MTMR8: variants seen among roughly 807,000 people sequenced by gnomAD.
MTMR8 encodes the protein myotubularin related protein 8, also known as phosphatidylinositol-3,5-bisphosphate 3-phosphatase MTMR8.
Under a neutral mutation model 39.3 loss-of-function variants are expected in MTMR8, and 65 were observed. The observed-to-expected ratio is 1.65, with a 90% CI of 1.35 to 2.03. MTMR8 has a LOEUF of 2.03. MTMR8 is among the 30% of genes most tolerant of loss of function. The probability of loss-of-function intolerance (pLI) is 0.00; values close to 1 mark genes in which losing one functional copy is unlikely to be tolerated. For missense variants in MTMR8, 777 were observed against 538.9 expected, an observed-to-expected ratio of 1.44 and a Z score of -4.37; for synonymous variants, 245 against 185.2, an observed-to-expected ratio of 1.32 and a Z score of -2.62.
intron 12 of MTMR8, among the ~76,000 whole-genome samples, chrX:64,284,300 G>C (rs1179974116): frequency 8.9e-6 from 1 of 111,885 alleles, no homozygotes; most frequent in East Asian, 2.8e-4. Flanking sequence ...AACGAATAAA[G>C]CCTCTAAAAA....
chrX:64,381,096 T>C (rs192945496), intron 1 of MTMR8, among the ~76,000 whole-genome samples: 3 of 112,259 alleles, frequency 2.7e-5, no homozygotes, highest in Admixed American at 9.4e-5. Flanking sequence ...TTATAATCCT[T>C]TGGGCATATA....
intron 12 of MTMR8, among the ~76,000 whole-genome samples, chrX:64,326,199 A>T (rs974416577): frequency 9.0e-6 from 1 of 111,191 alleles, no homozygotes; most frequent in African/African-American, 3.3e-5. Context: ...GGAAGAAGAA[A>T]AGTTGGTCTT....
At chrX:64,340,006 C>A (rs1602138372) in intron 8 of MTMR8, among the ~76,000 whole-genome samples, 1 of 111,321 alleles carries the variant, frequency 9.0e-6, no homozygotes, top group Non-Finnish European at 1.9e-5. Context: ...GACTATAAGG[C>A]ATAAACCTGT....
At chrX:64,291,994 A>G (rs750231066) in intron 12 of MTMR8, among the ~76,000 whole-genome samples, 3 of 111,796 alleles carry the variant, frequency 2.7e-5, no homozygotes, top group African/African-American at 9.8e-5. Context: ...GGGAAAGTAC[A>G]TACCTCTGGA....
At chrX:64,287,836 C>A (rs1320949975) in intron 12 of MTMR8, among the ~76,000 whole-genome samples, 1 of 104,904 alleles carries the variant, frequency 9.5e-6, no homozygotes, top group Non-Finnish European at 2.0e-5. Flanking sequence ...TAAAGACTTA[C>A]ATGTTAGACC....
At chrX:64,318,544 G>A (rs1054399549) in intron 12 of MTMR8, among the ~76,000 whole-genome samples, 1 of 110,745 alleles carries the variant, frequency 9.0e-6, no homozygotes, top group African/African-American at 3.3e-5. Flanking sequence ...CTTAGGTCCT[G>A]TGGACCCTAG....
chrX:64,385,735 A>G (rs1258242857), intron 1 of MTMR8, among the ~76,000 whole-genome samples: 2 of 111,060 alleles, frequency 1.8e-5, no homozygotes, highest in Non-Finnish European at 3.8e-5. Flanking sequence ...TTCACTCACT[A>G]TCATGAGGAC....
intron 7 of MTMR8, among the ~76,000 whole-genome samples, chrX:64,344,520 A>C (rs778257122): frequency 3.6e-5 from 4 of 111,355 alleles, no homozygotes; most frequent in African/African-American, 1.3e-4. Context: ...AGAGTCTTGT[A>C]AGGCCCCAAT....
chrX:64,286,310 G>A (rs1001220103), intron 12 of MTMR8, among the ~76,000 whole-genome samples: 3 of 111,797 alleles, frequency 2.7e-5, no homozygotes, highest in Admixed American at 9.5e-5. Flanking sequence ...CTGAAATTGA[G>A]GCAATAATTA....
At chrX:64,350,553 A>T (rs1923462102) in intron 4 of MTMR8, among the ~76,000 whole-genome samples, 1 of 111,745 alleles carries the variant, frequency 8.9e-6, no homozygotes, top group Admixed American at 9.5e-5. Flanking sequence ...TATACCAAGG[A>T]TATTTTCATT....
At chrX:64,357,763 C>T (rs960844375) in intron 2 of MTMR8, among the ~76,000 whole-genome samples, 1 of 111,869 alleles carries the variant, frequency 8.9e-6, no homozygotes, top group Admixed American at 9.5e-5. Context: ...AATGGCAGTT[C>T]TGGAGGCATC....
intron 2 of MTMR8, among the ~76,000 whole-genome samples, chrX:64,358,697 C>T (rs1032472250): frequency 5.5e-4 from 61 of 110,989 alleles, no homozygotes; most frequent in African/African-American, 2.0e-3. Context: ...ATGGAGAGGT[C>T]TAAGCATAAA....
At chrX:64,319,245 T>C (rs1361994266) in intron 12 of MTMR8, among the ~76,000 whole-genome samples, 2 of 112,334 alleles carry the variant, frequency 1.8e-5, no homozygotes, top group African/African-American at 6.5e-5. Flanking sequence ...TAGAATCTAA[T>C]TTAAATAAAC....
intron 12 of MTMR8, among the ~76,000 whole-genome samples, chrX:64,320,811 C>A (rs1922618620): frequency 9.0e-6 from 1 of 111,553 alleles, no homozygotes; most frequent in Non-Finnish European, 1.9e-5. Flanking sequence ...TTAAGCTCTA[C>A]AGAAGCAGGA....
At chrX:64,350,153 T>C (rs1212700734) in intron 4 of MTMR8, 83 bp from the exon 5 acceptor site, 1 of 582,098 alleles carries the variant, frequency 1.7e-6, no homozygotes, top group East Asian at 7.5e-5. Flanking sequence ...CGTATTTTGG[T>C]AACCACTAAA....
Position 64,343,719 on chromosome X carries a change from A to G in MTMR8, c.867T>C (p.Val289=). The G allele has an allele frequency of 8.6e-7, 1 of 1,167,307 alleles. No homozygotes were observed. Among genetic ancestry groups the G allele is most frequent in the Non-Finnish European group, 1.2e-6 (1 of 857,800 alleles). Residue 289 remains valine, a splice_region_variant and synonymous_variant, in exon 8 of 14, where the codon GTT becomes GTC. Transcript: ENST00000374852. ...TCATTGTTGGAGTTTTCAATTCACA[A>G]ACTAAGGTAGAAAAGGAAGCAGAGA... ...MRSSLQKLLE[V]CELKTPTMSE...
At chrX:64,341,682 C>T (rs751160479) in intron 8 of MTMR8, among the ~76,000 whole-genome samples, 4 of 111,188 alleles carry the variant, frequency 3.6e-5, no homozygotes, top group Non-Finnish European at 7.5e-5. Context: ...TCACTAGCCA[C>T]ATTTCAAGTG....
intron 10 of MTMR8, 60 bp from the exon 11 acceptor site, chrX:64,331,817 G>A (rs1922950353): frequency 3.0e-6 from 3 of 987,098 alleles, no homozygotes; most frequent in Non-Finnish European, 4.2e-6. Context: ...TTACACTGTT[G>A]GGAATAGGCT....
intron 8 of MTMR8, among the ~76,000 whole-genome samples, chrX:64,341,411 G>A (rs1467320257): frequency 3.8e-5 from 4 of 105,837 alleles, no homozygotes; most frequent in Admixed American, 2.0e-4. Context: ...TCCGGTAGGC[G>A]GAGGTTGCAG....
Sources: allele counts gnomAD v4.1 joint callset (sites outside exome capture counted in the v4.1 genomes callset), GRCh38; gene constraint gnomAD v4.1.1; transcripts MANE v1.5; gene names NCBI Gene and HGNC (gene_info 2026-07-23, HGNC 2026-07-21).